The following CYP46A1 variants were observed in gnomAD, a reference collection of about 807,000 sequenced individuals.
The protein encoded by CYP46A1 is cytochrome P450 family 46 subfamily A member 1, also known as cholesterol 24-hydroxylase.
A neutral mutation model predicts 63.3 loss-of-function variants in CYP46A1; 20 were observed. That is an observed-to-expected ratio of 0.32 (90% CI 0.22 to 0.46). The LOEUF (loss-of-function observed/expected upper bound fraction) is 0.46, where lower values mean the gene tolerates loss of function less well. CYP46A1 is among the 20% of genes least tolerant of loss of function. CYP46A1 has a pLI of 1.00. For missense variants in CYP46A1, 445 were observed against 670.8 expected, an observed-to-expected ratio of 0.66 and a Z score of 3.72; for synonymous variants, 268 against 273.6, an observed-to-expected ratio of 0.98 and a Z score of 0.20.
intron 3 of CYP46A1, among the ~76,000 whole-genome samples, chr14:99,696,287 G>A (rs1397217578): frequency 2.6e-5 from 4 of 151,576 alleles, no homozygotes; most frequent in East Asian, 1.9e-4. Flanking sequence ...TTGATTGATC[G>A]ATTGAGACAG....
rs2056544950 is a variant in CYP46A1 at position 99,691,715 on chromosome 14, G to A, written c.201-65G>A. 4.1e-6 allele frequency: 6 copies of A among 1,458,444 alleles called. No homozygotes were observed. In the Admixed American group the frequency reaches 1.0e-4, roughly 24 times the overall value. The allele number at this position is 1,458,444 out of a possible 1,614,324, so 90.3% of individuals were successfully genotyped here. A position where few individuals can be genotyped will look rare whatever the true frequency, so the allele number is the denominator to read the frequency against. Reference sequence around the variant, plus strand: ...CGGGAAACATCGGTTTCTCAGCTGGGCGGGGTTGGTGATGGTCATACCTCA... The same window carrying A: ...CGGGAAACATCGGTTTCTCAGCTGGACGGGGTTGGTGATGGTCATACCTCA... On this transcript the variant is annotated intron_variant, in intron 2 of 14. Coordinates refer to ENST00000261835, the MANE Select transcript of CYP46A1 (RefSeq NM_006668.2).
chr14:99,716,327 G>A lies in CYP46A1; in HGVS notation c.907+128G>A, dbSNP rs1362663925. On this transcript the variant is annotated intron_variant, in intron 9 of 14. Transcript: ENST00000261835. ...GCAGAGCTCACCGCAGGGCTAGGGGGCTGGGCTGAAGGGAGCAGAAGCCCC... is the reference window on the plus strand; with the variant it reads ...GCAGAGCTCACCGCAGGGCTAGGGGACTGGGCTGAAGGGAGCAGAAGCCCC... 1.6e-5 allele frequency: 15 copies of A among 965,446 alleles called. No individual in the cohort carries two copies. The Middle Eastern group carries it at 9.3e-4, about 60-fold the overall frequency. The allele number at this position is 965,446 out of a possible 1,614,324, so 59.8% of individuals were successfully genotyped here.
intron 5 of CYP46A1, among the ~76,000 whole-genome samples, chr14:99,702,867 A>G (rs779986860): frequency 9.2e-5 from 14 of 152,334 alleles, no homozygotes; most frequent in Admixed American, 2.6e-4. Flanking sequence ...CACAGTTCAT[A>G]TTCAAAATTT....
rs1294758302 is a variant in CYP46A1, at chr14:99,690,827, C to T, written c.120-254C>T. ...ATATTATTGAGTCCTTTCTATCTGCCAGCCCCCAACTTCTGTGCCAGGGAG... is the reference window on the plus strand; with the variant it reads ...ATATTATTGAGTCCTTTCTATCTGCTAGCCCCCAACTTCTGTGCCAGGGAG... On this transcript the variant is annotated intron_variant, in intron 1 of 14. Transcript: ENST00000261835. Among the ~76,000 whole-genome samples the T allele has an allele frequency of 2.0e-5, 3 of 152,110 alleles. No homozygotes were observed. In the East Asian group the frequency reaches 5.8e-4, roughly 29 times the overall value.
chr14:99,721,818 G>T, intron 11 of CYP46A1, 138 bp from the exon 12 acceptor site: 1 of 609,240 alleles, frequency 1.6e-6, no homozygotes, highest in South Asian at 2.0e-5. Context: ...TGTCCCAGGG[G>T]CCTGGGACCC....
At chr14:99,686,441 G>A (rs1054091864) in intron 1 of CYP46A1, among the ~76,000 whole-genome samples, 25 of 152,118 alleles carry the variant, frequency 1.6e-4, no homozygotes, top group African/African-American at 6.0e-4. Context: ...CATCGCCACC[G>A]ATTTCAGAAC....
chr14:99,712,901 T>G (rs2056747784), intron 7 of CYP46A1: 1 of 152,158 alleles, frequency 6.6e-6, no homozygotes, highest in African/African-American at 2.4e-5. Flanking sequence ...AAATCTACTA[T>G]AAAGCTACAA....
chr14:99,726,364 G>GGGCTGT, intron 14 of CYP46A1, 108 bp downstream of exon 14: 1 of 990,208 alleles, frequency 1.0e-6, no homozygotes, highest in Non-Finnish European at 1.4e-6. Context: ...GCTGGGCTGT[G>GGGCTGT]GGCTCGGGAC....
intron 12 of CYP46A1, chr14:99,723,076 C>A: frequency 3.7e-6 from 1 of 267,330 alleles, no homozygotes; most frequent in South Asian, 3.6e-5. Context: ...TTAGCATGGT[C>A]CGATTTTGTA....
intron 3 of CYP46A1, among the ~76,000 whole-genome samples, chr14:99,697,443 G>A (rs114203565): frequency 0.014 from 2,137 of 152,202 alleles, 31 homozygotes; most frequent in African/African-American, 0.045. Context: ...AACTTGGCAC[G>A]TCTGCTGGAC....
At chr14:99,705,950 C>A in intron 5 of CYP46A1, 1 of 152,346 alleles carries the variant, frequency 6.6e-6, no homozygotes, top group Middle Eastern at 3.4e-3. Context: ...ATAAAAATAA[C>A]ATTTCTTTTA....
intron 14 of CYP46A1, 135 bp downstream of exon 14, chr14:99,726,391 C>T: frequency 1.7e-6 from 2 of 1,167,790 alleles, no homozygotes; most frequent in South Asian, 1.6e-5. Flanking sequence ...GAGCCAGACC[C>T]AGAGGACTGG....
At position 99,722,916 on chromosome 14, in the gene CYP46A1, T is replaced by A. The variant is rs1218690232; in HGVS notation, c.1176+850T>A. 7 of 454,336 alleles carry A rather than the reference T, an allele frequency of 1.5e-5. No homozygotes were observed. The highest frequency in any genetic ancestry group is 1.1e-4 in the South Asian group (7 of 64,438). The allele number at this position is 454,336 out of a possible 1,614,324, so 28.1% of individuals were successfully genotyped here. On this transcript the variant is annotated intron_variant, in intron 12 of 14. Coordinates refer to ENST00000261835, the MANE Select transcript of CYP46A1 (RefSeq NM_006668.2). The surrounding 1 kb of genome is among the most constrained non-coding windows in gnomAD (Gnocchi z 4.6). ...GTGTGCAAGCCAGCTCCTCGGACAT[T>A]TACCCAGAAGTGAGAGGGCTGGGTT... is the stretch of plus-strand genomic sequence containing the variant.
chr14:99,713,072 A>C (rs1249792328), intron 7 of CYP46A1: 1 of 152,208 alleles, frequency 6.6e-6, no homozygotes, highest in African/African-American at 2.4e-5. Flanking sequence ...GGAAAACTGG[A>C]TATCTAAATG....
chr14:99,719,918 T>C (rs7142908), intron 10 of CYP46A1, among the ~76,000 whole-genome samples: 7,005 of 151,940 alleles, frequency 0.046, 510 homozygotes, highest in African/African-American at 0.16. Flanking sequence ...CACGCCACCA[T>C]GCCTGGCTAA....
intron 1 of CYP46A1, among the ~76,000 whole-genome samples, chr14:99,686,838 TA>T (rs983055780): frequency 2.6e-4 from 39 of 152,316 alleles, no homozygotes; most frequent in Admixed American, 2.5e-3. Context: ...AATGCATATA[TA>T]AAAAGATTTT....
intron 7 of CYP46A1, 64 bp downstream of exon 7, chr14:99,707,742 A>G (rs565747109): frequency 7.2e-7 from 1 of 1,395,684 alleles, no homozygotes; most frequent in Non-Finnish European, 9.9e-7. Flanking sequence ...TTGCTGAAGA[A>G]CCTCCTTCAG....
intron 7 of CYP46A1, chr14:99,712,104 T>A (rs899806475): frequency 1.3e-5 from 2 of 152,094 alleles, no homozygotes; most frequent in African/African-American, 4.8e-5. Context: ...GATTAAAAAC[T>A]CTCAACGAAT....
intron 10 of CYP46A1, among the ~76,000 whole-genome samples, chr14:99,720,623 G>A (rs191197185): frequency 8.6e-5 from 13 of 151,792 alleles, no homozygotes; most frequent in South Asian, 2.1e-4. Context: ...CACTCCCGGC[G>A]AATTTTTGTA....
Sources: allele counts gnomAD v4.1 joint callset (sites outside exome capture counted in the v4.1 genomes callset), GRCh38; gene constraint gnomAD v4.1.1; non-coding constraint Gnocchi (gnomAD v3.1); transcripts MANE v1.5; gene names NCBI Gene and HGNC (gene_info 2026-07-23, HGNC 2026-07-21).